The following MSI2 variants were observed in gnomAD, a reference collection of about 807,000 sequenced individuals.
MSI2 encodes musashi RNA binding protein 2.
Under a neutral mutation model 45.6 loss-of-function variants are expected in MSI2, and 17 were observed. The observed-to-expected ratio is 0.37, with a 90% CI of 0.26 to 0.56. The LOEUF (loss-of-function observed/expected upper bound fraction) is 0.56, where lower values mean the gene tolerates loss of function less well. MSI2 is among the 20% of genes least tolerant of loss of function. The pLI is 0.77. For synonymous variants in MSI2, 156 were observed against 158.2 expected (o/e 0.99, Z 0.11); for missense variants, 293 against 444.2 (o/e 0.66, Z 3.06).
At chr17:57,396,815 A>G (rs2083899561) in intron 5 of MSI2, among the ~76,000 whole-genome samples, 1 of 152,188 alleles carries the variant, frequency 6.6e-6, no homozygotes, top group Non-Finnish European at 1.5e-5. Context: ...ACACGCACAC[A>G]TGCACACGGA....
At position 57,387,515 on chromosome 17, in the gene MSI2, C is replaced by T. The variant is rs115335244; in HGVS notation, c.313-13864C>T. Among the ~76,000 whole-genome samples, 331 of 152,326 alleles carry T rather than the reference C, an allele frequency of 2.2e-3. 1 individual carries two copies. The highest frequency in any genetic ancestry group is 7.8e-3 in the African/African-American group (324 of 41,564). On this transcript the variant is annotated intron_variant, in intron 5 of 13. Transcript: ENST00000284073. ...CTTCCTAATGTGCAACAGTCTGTTA[C>T]TCTTTACAGGGTCAGGAGCTACCTA...
At chr17:57,258,242 G>GT (rs781230574) in intron 3 of MSI2, 28 bp from the exon 4 acceptor site, 3 of 1,607,106 alleles carry the variant, frequency 1.9e-6, no homozygotes, top group Non-Finnish European at 8.5e-7. Context: ...TTTCTTGTTT[G>GT]TTTTTCTCCC....
chr17:57,292,278 C>T (rs1186036530), intron 5 of MSI2, among the ~76,000 whole-genome samples: 2 of 152,178 alleles, frequency 1.3e-5, no homozygotes, highest in Non-Finnish European at 2.9e-5. Flanking sequence ...AGTCTGGAAT[C>T]CTGGCGGCTT....
intron 7 of MSI2, among the ~76,000 whole-genome samples, chr17:57,551,183 C>G (rs2144186018): frequency 6.6e-6 from 1 of 152,174 alleles, no homozygotes; most frequent in East Asian, 1.9e-4. Context: ...AATCAAAGTC[C>G]CCTTATTTCA....
intron 11 of MSI2, among the ~76,000 whole-genome samples, chr17:57,671,309 T>C (rs1266103903): frequency 2.6e-5 from 4 of 152,168 alleles, no homozygotes; most frequent in African/African-American, 9.7e-5. Context: ...TAATATCCAA[T>C]TTATAAACCT....
At chr17:57,300,411 T>C (rs1567744389) in intron 5 of MSI2, among the ~76,000 whole-genome samples, 1 of 152,184 alleles carries the variant, frequency 6.6e-6, no homozygotes, top group Non-Finnish European at 1.5e-5. Context: ...AAGGTTTCCG[T>C]AGGGCTGCCT....
the MSI2 span, among the ~76,000 whole-genome samples, chr17:57,694,190 T>C: frequency 2.6e-5 from 4 of 152,226 alleles, no homozygotes; most frequent in Non-Finnish European, 4.4e-5. Context: ...TGCCCCTTGA[T>C]GTGGGTGGTT....
At chr17:57,257,776 A>C (rs1906935906) in intron 3 of MSI2, among the ~76,000 whole-genome samples, 1 of 149,780 alleles carries the variant, frequency 6.7e-6, no homozygotes. Context: ...CTTTTAAGTC[A>C]TTTTCCCGTC....
In MSI2 at chr17:57,556,786, A is replaced by C. The variant is rs539727646; in HGVS notation, c.454+27062A>C. On this transcript the variant is annotated intron_variant, in intron 7 of 13. Transcript: ENST00000284073. Reference sequence around the variant, plus strand: ...ATATCTTTAAGGTAAAACCATCTACAAAGTACTTTTACCCACTCAGTGACA... The same window carrying C: ...ATATCTTTAAGGTAAAACCATCTACCAAGTACTTTTACCCACTCAGTGACA... Among the ~76,000 whole-genome samples, 29 of 152,336 alleles carry C rather than the reference A, an allele frequency of 1.9e-4. No homozygotes were observed. The South Asian group carries it at 2.7e-3, about 14-fold the overall frequency.
chr17:57,591,166 T>C (rs921930752), intron 7 of MSI2, among the ~76,000 whole-genome samples: 1 of 152,120 alleles, frequency 6.6e-6, no homozygotes, highest in Non-Finnish European at 1.5e-5. Flanking sequence ...GTGTGTCTCT[T>C]TTACCTGGCT....
chr17:57,579,738 C>T (rs1279252677), intron 7 of MSI2, among the ~76,000 whole-genome samples: 4 of 152,188 alleles, frequency 2.6e-5, no homozygotes, highest in African/African-American at 4.8e-5. Flanking sequence ...TCTAGAGAGG[C>T]GTGAGTGCTT....
At chr17:57,300,217 G>T (rs976492861) in intron 5 of MSI2, among the ~76,000 whole-genome samples, 2 of 152,092 alleles carry the variant, frequency 1.3e-5, no homozygotes, top group Non-Finnish European at 2.9e-5. Context: ...TTTTTTTAAT[G>T]CTGTCTTGTT....
intron 6 of MSI2, among the ~76,000 whole-genome samples, chr17:57,521,027 T>C (rs1279295132): frequency 6.6e-6 from 1 of 152,172 alleles, no homozygotes; most frequent in Non-Finnish European, 1.5e-5. Context: ...TGGGTTCAAA[T>C]TAAAATAAAC....
At chr17:57,660,730 C>T (rs537642286) in intron 11 of MSI2, among the ~76,000 whole-genome samples, 6 of 152,174 alleles carry the variant, frequency 3.9e-5, no homozygotes, top group East Asian at 1.9e-4. Flanking sequence ...CCCAGGGGGC[C>T]GGGGAACATC....
chr17:57,540,810 G>C (rs2087027526), intron 7 of MSI2, among the ~76,000 whole-genome samples: 1 of 152,216 alleles, frequency 6.6e-6, no homozygotes, highest in Non-Finnish European at 1.5e-5. Context: ...TCAAAACTGA[G>C]ACAGAATAAG....
chr17:57,534,808 G>A (rs1412596731), intron 7 of MSI2, among the ~76,000 whole-genome samples: 1 of 152,234 alleles, frequency 6.6e-6, no homozygotes, highest in Non-Finnish European at 1.5e-5. Flanking sequence ...TGCCCAGGGG[G>A]AGCGGAGAAT....
At chr17:57,297,417 G>A (rs971135654) in intron 5 of MSI2, among the ~76,000 whole-genome samples, 20 of 152,012 alleles carry the variant, frequency 1.3e-4, no homozygotes, top group African/African-American at 3.9e-4. Flanking sequence ...AAAAAACAAT[G>A]TGCATGCCTC....
chr17:57,439,087 T>C (rs1335230890), intron 6 of MSI2, among the ~76,000 whole-genome samples: 1 of 152,218 alleles, frequency 6.6e-6, no homozygotes, highest in Non-Finnish European at 1.5e-5. Context: ...AATTTTGTTG[T>C]ATGTCTGTTG....
chr17:57,403,198 G>C (rs2084024546), intron 6 of MSI2, among the ~76,000 whole-genome samples: 2 of 152,190 alleles, frequency 1.3e-5, no homozygotes, highest in African/African-American at 4.8e-5. Context: ...TGGGCTTTTA[G>C]AGTATTCCAG....
Sources: allele counts gnomAD v4.1 joint callset (sites outside exome capture counted in the v4.1 genomes callset), GRCh38; gene constraint gnomAD v4.1.1; transcripts MANE v1.5; gene names NCBI Gene and HGNC (gene_info 2026-07-23, HGNC 2026-07-21).